TYW5: variants seen among roughly 807,000 people sequenced by gnomAD.
The protein encoded by TYW5 is tRNA-yW synthesizing protein 5.
A neutral mutation model predicts 44.4 loss-of-function variants in TYW5; 36 were observed. That is an observed-to-expected ratio of 0.81 (90% CI 0.62 to 1.07). The LOEUF is 1.07. TYW5 is among the 50% of genes least tolerant of loss of function. The pLI, the probability that TYW5 is intolerant of heterozygous loss-of-function variation, is 0.00. For synonymous variants in TYW5, 121 were observed against 128.1 expected (o/e 0.94, Z 0.37); for missense variants, 354 against 365.7 (o/e 0.97, Z 0.26).
rs778682731 is a variant in TYW5 at position 199,955,373 on chromosome 2, G to T, written c.78+20C>A. On this transcript the variant is annotated intron_variant, in intron 1 of 7. Coordinates refer to ENST00000354611, the MANE Select transcript of TYW5 (RefSeq NM_001039693.3). ...TCTCTCGCTGGTTTCTCGAGGTTCT[G>T]CCCCGCGCGAGGGCCTCACCTGTGG... 1.7e-5 allele frequency: 27 copies of T among 1,611,650 alleles called. No individual in the cohort carries two copies. The highest frequency in any genetic ancestry group is 6.8e-6 in the Non-Finnish European group (8 of 1,179,180).
At chr2:199,941,039 A>C (rs1008647578) in intron 3 of TYW5, among the ~76,000 whole-genome samples, 1 of 152,184 alleles carries the variant, frequency 6.6e-6, no homozygotes, top group Non-Finnish European at 1.5e-5. Flanking sequence ...TGATCATTTA[A>C]AAAAATTATT....
chr2:199,940,483 T>C (rs558419315), intron 3 of TYW5, among the ~76,000 whole-genome samples: 31 of 151,924 alleles, frequency 2.0e-4, no homozygotes, highest in Non-Finnish European at 3.7e-4. Flanking sequence ...TGAGACACCA[T>C]CTACAAAAAA....
intron 1 of TYW5, 114 bp downstream of exon 1, chr2:199,955,279 C>T (rs1203534866): frequency 2.5e-6 from 3 of 1,221,284 alleles, no homozygotes; most frequent in Non-Finnish European, 3.4e-6. Context: ...CTGCTGCCGT[C>T]CTGCGCCTCT....
In TYW5 at chr2:199,933,055, T is replaced by A. The variant is rs757292351; in HGVS notation, c.*12A>T. On this transcript the variant is annotated 3_prime_UTR_variant, in exon 8 of 8. Coordinates refer to ENST00000354611, the MANE Select transcript of TYW5 (RefSeq NM_001039693.3). ...ACTAAAGTGTTAATGTGCATTGCAT[T>A]CACTTCATTATTTACTCAGAGTTCT... The A allele has an allele frequency of 6.2e-7, 1 of 1,612,556 alleles. No homozygotes were observed. Among genetic ancestry groups the A allele is most frequent in the Non-Finnish European group, 8.5e-7 (1 of 1,179,352 alleles).
chr2:199,950,773 G>A (rs1437041518), intron 1 of TYW5, among the ~76,000 whole-genome samples: 1 of 152,154 alleles, frequency 6.6e-6, no homozygotes, highest in Admixed American at 6.5e-5. Context: ...ACCCTGAACT[G>A]AAATAAGCAG....
rs2077350535 is a variant in TYW5, at chr2:199,929,111, G to A, written c.*3956C>T. Among the ~76,000 whole-genome samples, 1 of 152,002 alleles carries A rather than the reference G, an allele frequency of 6.6e-6. No individual in the cohort carries two copies. The highest frequency in any genetic ancestry group is 2.1e-4 in the South Asian group (1 of 4,808). Reference sequence around the variant, plus strand: ...CCAGCAGCTTTTAAGCCAGTTAGTGGTAGAGACAGGCAAGAGTCACCAAAA... The same window carrying A: ...CCAGCAGCTTTTAAGCCAGTTAGTGATAGAGACAGGCAAGAGTCACCAAAA... On this transcript the variant is annotated 3_prime_UTR_variant, in exon 8 of 8. Transcript: ENST00000354611.
chr2:199,945,877 T>C (rs2105705884), intron 2 of TYW5: 1 of 152,168 alleles, frequency 6.6e-6, no homozygotes, highest in South Asian at 2.1e-4. Context: ...GGGGAGAAAT[T>C]AGGTATGTAA....
At chr2:199,950,518 T>C (rs1245063871) in intron 1 of TYW5, among the ~76,000 whole-genome samples, 3 of 152,196 alleles carry the variant, frequency 2.0e-5, no homozygotes, top group African/African-American at 4.8e-5. Flanking sequence ...AGTTTTTGCA[T>C]TCTCCTCACA....
intron 1 of TYW5, among the ~76,000 whole-genome samples, chr2:199,953,141 G>C (rs2077559745): frequency 6.6e-6 from 1 of 152,160 alleles, no homozygotes; most frequent in Non-Finnish European, 1.5e-5. Context: ...GGCCAACATG[G>C]CGAAACTCCG....
intron 7 of TYW5, among the ~76,000 whole-genome samples, chr2:199,935,633 G>A (rs1211919214): frequency 1.4e-5 from 2 of 144,936 alleles, no homozygotes; most frequent in African/African-American, 5.0e-5. Flanking sequence ...AGGATTGCTT[G>A]AGGCCAAAAG....
intron 6 of TYW5, 67 bp from the exon 7 acceptor site, chr2:199,936,114 A>G (rs1005599634): frequency 2.0e-6 from 2 of 982,472 alleles, no homozygotes; most frequent in African/African-American, 3.3e-5. Flanking sequence ...AGTAATCACA[A>G]ATATAAATTT....
chr2:199,936,198 GAC>G, intron 6 of TYW5, 151 bp from the exon 7 acceptor site: 1 of 693,426 alleles, frequency 1.4e-6, no homozygotes, highest in East Asian at 2.6e-5. Flanking sequence ...TGACACCTAA[GAC>G]AATTTTCAAT....
At chr2:199,939,123 A>T in intron 4 of TYW5, 53 bp from the exon 5 acceptor site, 1 of 1,511,178 alleles carries the variant, frequency 6.6e-7, no homozygotes, top group African/African-American at 1.4e-5. Context: ...CTATGATATT[A>T]AGGAAGACTG....
Position 199,929,917 on chromosome 2 carries a change from C to T in TYW5, c.*3150G>A, listed in dbSNP as rs1191010984. 1 of 151,880 alleles carries T rather than the reference C, an allele frequency of 6.6e-6. No individual in the cohort carries two copies. The highest frequency in any genetic ancestry group is 1.5e-5 in the Non-Finnish European group (1 of 68,088). The allele number at this position is 151,880 out of a possible 1,614,324, so 9.4% of individuals were successfully genotyped here. On this transcript the variant is annotated 3_prime_UTR_variant, in exon 8 of 8. Transcript: ENST00000354611. Reference sequence around the variant, plus strand: ...AAGCACTCCTCCTGCCTCAGCCTCCCAAGATGCTGGGACTACAGGTGTGGA... The same window carrying T: ...AAGCACTCCTCCTGCCTCAGCCTCCTAAGATGCTGGGACTACAGGTGTGGA...
At chr2:199,939,586 G>C (rs887368291) in intron 4 of TYW5, among the ~76,000 whole-genome samples, 2 of 152,084 alleles carry the variant, frequency 1.3e-5, no homozygotes, top group African/African-American at 4.8e-5. Context: ...AACATTACTA[G>C]CTATCACCTA....
rs184644970 is a variant in TYW5, at chr2:199,932,453, G to A, written c.*614C>T. ...TCCAGTGGACCTGACTGCCCTAAAG[G>A]TTATTCTAGACCCTTTGCCAGTGAC... is the stretch of plus-strand genomic sequence containing the variant. On this transcript the variant is annotated 3_prime_UTR_variant, in exon 8 of 8. Transcript: ENST00000354611. 6.6e-6 allele frequency: 1 copy of A among 152,524 alleles called. No homozygotes were observed. Among genetic ancestry groups the A allele is most frequent in the Admixed American group, 6.5e-5 (1 of 15,320 alleles). The allele number at this position is 152,524 out of a possible 1,614,324, so 9.4% of individuals were successfully genotyped here.
Position 199,929,220 on chromosome 2 carries a change from G to A in TYW5, c.*3847C>T, listed in dbSNP as rs951911015. Among the ~76,000 whole-genome samples the A allele has an allele frequency of 1.1e-4, 16 of 152,188 alleles. No individual in the cohort carries two copies. The highest frequency in any genetic ancestry group is 2.4e-4 in the Non-Finnish European group (16 of 68,010). ...GGGGAGGGGGAAGGGATAGCATTAG[G>A]AGATATACCTAATGTAAATGACGAG... On this transcript the variant is annotated 3_prime_UTR_variant, in exon 8 of 8. Transcript: ENST00000354611.
At chr2:199,941,891 T>A (rs920986010) in intron 3 of TYW5, among the ~76,000 whole-genome samples, 8 of 152,130 alleles carry the variant, frequency 5.3e-5, no homozygotes, top group Non-Finnish European at 7.4e-5. Flanking sequence ...GACCTAGACA[T>A]TGCCACCCAA....
At chr2:199,953,270 C>T (rs1238210929) in intron 1 of TYW5, among the ~76,000 whole-genome samples, 3 of 152,006 alleles carry the variant, frequency 2.0e-5, no homozygotes, top group East Asian at 1.9e-4. Context: ...TTAACGTGAG[C>T]CGAGACTGTG....
Sources: gnomAD v4.1 joint callset for allele counts (sites outside exome capture counted in the v4.1 genomes callset) on GRCh38, gnomAD v4.1.1 for gene constraint, MANE v1.5 for transcripts, NCBI Gene and HGNC (gene_info 2026-07-23, HGNC 2026-07-21) for gene names.